The following NEK11 variants were observed in gnomAD, a reference collection of about 807,000 sequenced individuals.
The protein encoded by NEK11 is NIMA related kinase 11.
A neutral mutation model predicts 80.7 loss-of-function variants in NEK11; 72 were observed. That is an observed-to-expected ratio of 0.89 (90% CI 0.74 to 1.08). The LOEUF (loss-of-function observed/expected upper bound fraction) is 1.08. NEK11 is among the 50% of genes least tolerant of loss of function. The probability of loss-of-function intolerance (pLI) is 0.00; values close to 1 mark genes in which losing one functional copy is unlikely to be tolerated. For missense variants in NEK11, 764 were observed against 763.6 expected, an observed-to-expected ratio of 1.00 and a Z score of -0.01; for synonymous variants, 251 against 260.7, an observed-to-expected ratio of 0.96 and a Z score of 0.36.
At chr3:131,232,833 CAG>C (rs1276821911) in intron 15 of NEK11, among the ~76,000 whole-genome samples, 1 of 152,044 alleles carries the variant, frequency 6.6e-6, no homozygotes, top group African/African-American at 2.4e-5. Context: ...CTAGTATTTC[CAG>C]AATCTTCATT....
intron 17 of NEK11, among the ~76,000 whole-genome samples, chr3:131,345,235 CAATT>C (rs1170422693): frequency 6.6e-6 from 1 of 151,892 alleles, no homozygotes; most frequent in Non-Finnish European, 1.5e-5. Flanking sequence ...GCAAAGGAAA[CAATT>C]AACAAAGGAA....
chr3:131,151,470 T>C (rs922102090), intron 7 of NEK11, among the ~76,000 whole-genome samples: 7 of 152,084 alleles, frequency 4.6e-5, no homozygotes, highest in African/African-American at 9.7e-5. Context: ...TATTCATGTA[T>C]TTATTTCTGT....
chr3:131,029,242 A>T (rs1577164982), intron 2 of NEK11, among the ~76,000 whole-genome samples: 1 of 152,348 alleles, frequency 6.6e-6, no homozygotes, highest in Middle Eastern at 3.4e-3. Flanking sequence ...AAAAAGGTTG[A>T]TGCAGATGTA....
chr3:131,273,110 C>T (rs2096229368), intron 16 of NEK11, among the ~76,000 whole-genome samples: 1 of 152,192 alleles, frequency 6.6e-6, no homozygotes, highest in South Asian at 2.1e-4. Flanking sequence ...CTTAGTCAAA[C>T]ATCCACACCT....
chr3:131,337,101 C>T (rs896536981), intron 17 of NEK11, among the ~76,000 whole-genome samples: 1 of 152,144 alleles, frequency 6.6e-6, no homozygotes, highest in Non-Finnish European at 1.5e-5. Flanking sequence ...TTGACCCAGC[C>T]ATCCCATTAC....
chr3:131,251,075 G>C (rs1463268686), intron 16 of NEK11, among the ~76,000 whole-genome samples: 1 of 150,774 alleles, frequency 6.6e-6, no homozygotes, highest in African/African-American at 2.4e-5. Context: ...AACAGAGAGA[G>C]GAAAGAAAGA....
intron 15 of NEK11, among the ~76,000 whole-genome samples, chr3:131,231,119 C>T (rs2095320869): frequency 6.6e-6 from 1 of 151,992 alleles, no homozygotes; most frequent in East Asian, 1.9e-4. Flanking sequence ...AGTGTGAGAA[C>T]AGACTAAATA....
chr3:131,289,719 C>T (rs990314831), intron 17 of NEK11, among the ~76,000 whole-genome samples: 1 of 152,206 alleles, frequency 6.6e-6, no homozygotes, highest in African/African-American at 2.4e-5. Flanking sequence ...AGTTCCAGAC[C>T]TGCCAGCAGC....
intron 16 of NEK11, among the ~76,000 whole-genome samples, chr3:131,272,532 G>A (rs1161726873): frequency 3.8e-5 from 5 of 132,766 alleles, no homozygotes; most frequent in South Asian, 2.5e-4. Context: ...CTGGAGTGCC[G>A]TGGTGCGATC....
At chr3:131,104,722 C>T (rs187224207) in intron 4 of NEK11, among the ~76,000 whole-genome samples, 31 of 152,262 alleles carry the variant, frequency 2.0e-4, no homozygotes, top group Admixed American at 2.0e-3. Context: ...TGGCAGCTGG[C>T]ACCAACATGC....
intron 5 of NEK11, among the ~76,000 whole-genome samples, chr3:131,130,968 A>G (rs370073676): frequency 2.0e-5 from 3 of 152,076 alleles, no homozygotes; most frequent in African/African-American, 7.2e-5. Flanking sequence ...TGCCCAGCTA[A>G]CTTTTGTATT....
In NEK11 at chr3:131,280,932, G is replaced by T. The variant is rs540898882; in HGVS notation, c.1718+7358G>T. 4.6e-5 allele frequency among the ~76,000 whole-genome samples: 7 copies of T among 152,322 alleles called. No homozygotes were observed. In the East Asian group the frequency reaches 1.2e-3, roughly 25 times the overall value. On this transcript the variant is annotated intron_variant, in intron 17 of 17. Coordinates refer to ENST00000383366, the MANE Select transcript of NEK11 (RefSeq NM_024800.5). ...CTATGCAATGGCTGATGAATGACCA[G>T]GTTTACCAGTTTGGCAAGTATGAAG...
intron 3 of NEK11, among the ~76,000 whole-genome samples, chr3:131,073,734 T>G (rs1313360375): frequency 6.6e-6 from 1 of 152,202 alleles, no homozygotes; most frequent in Non-Finnish European, 1.5e-5. Flanking sequence ...AGGAATTTCC[T>G]TTATTTTTAT....
At chr3:131,337,141 T>C (rs1235884903) in intron 17 of NEK11, among the ~76,000 whole-genome samples, 1 of 151,858 alleles carries the variant, frequency 6.6e-6, no homozygotes, top group Non-Finnish European at 1.5e-5. Flanking sequence ...CTATAAATCA[T>C]GCTGCTATAA....
At chr3:131,241,794 G>T (rs1461922182) in intron 15 of NEK11, among the ~76,000 whole-genome samples, 1 of 151,976 alleles carries the variant, frequency 6.6e-6, no homozygotes, top group Non-Finnish European at 1.5e-5. Context: ...TATATAGTAT[G>T]ATCTGAAATA....
At chr3:131,208,189 G>A (rs1307753279) in intron 14 of NEK11, among the ~76,000 whole-genome samples, 1 of 152,168 alleles carries the variant, frequency 6.6e-6, no homozygotes, top group Admixed American at 6.5e-5. Context: ...CATATGGCTA[G>A]CCAGTTTTCC....
chr3:131,053,126 G>T (rs2068726297), intron 3 of NEK11, among the ~76,000 whole-genome samples: 1 of 152,164 alleles, frequency 6.6e-6, no homozygotes, highest in Non-Finnish European at 1.5e-5. Context: ...ACAAGCATAT[G>T]TGATATTTAC....
At chr3:131,146,377 G>A (rs1401704982) in intron 7 of NEK11, among the ~76,000 whole-genome samples, 1 of 152,096 alleles carries the variant, frequency 6.6e-6, no homozygotes, top group Non-Finnish European at 1.5e-5. Flanking sequence ...ATACCAACAT[G>A]AGCTGATCTG....
chr3:131,255,096 G>A (rs888646062), intron 16 of NEK11, among the ~76,000 whole-genome samples: 5 of 148,416 alleles, frequency 3.4e-5, no homozygotes, highest in Non-Finnish European at 5.9e-5. Flanking sequence ...AAGAAAGAAA[G>A]AAAGAAAGAA....
Sources: allele counts gnomAD v4.1 joint callset (sites outside exome capture counted in the v4.1 genomes callset), GRCh38; gene constraint gnomAD v4.1.1; transcripts MANE v1.5; gene names NCBI Gene and HGNC (gene_info 2026-07-23, HGNC 2026-07-21).